Variants in FLNB observed in about 807,000 individuals in gnomAD.
FLNB encodes the protein filamin-B.
Under a neutral mutation model 250.6 loss-of-function variants are expected in FLNB, and 111 were observed. That is an observed-to-expected ratio of 0.44 (90% CI 0.38 to 0.52). FLNB has a LOEUF of 0.52. FLNB is among the 20% of genes least tolerant of loss of function. FLNB has a pLI of 0.00. For missense variants in FLNB, 2,869 were observed against 3,447.8 expected, an observed-to-expected ratio of 0.83 and a Z score of 4.20; for synonymous variants, 1,302 against 1,372.1, an observed-to-expected ratio of 0.95 and a Z score of 1.13.
At chr3:58,072,396 C>T (rs1390053481) in intron 1 of FLNB, among the ~76,000 whole-genome samples, 4 of 152,170 alleles carry the variant, frequency 2.6e-5, no homozygotes, top group South Asian at 4.2e-4. Flanking sequence ...GAAAGGCTTC[C>T]GGCTCATCTG....
At chr3:58,135,762 C>T (rs558240105) in intron 27 of FLNB, among the ~76,000 whole-genome samples, 1 of 152,268 alleles carries the variant, frequency 6.6e-6, no homozygotes, top group African/African-American at 2.4e-5. Flanking sequence ...CACCTGACAA[C>T]AAAATTACTA....
At chr3:58,125,964 A>ACTTGGTT (rs1452063533) in intron 23 of FLNB, among the ~76,000 whole-genome samples, 7 of 152,376 alleles carry the variant, frequency 4.6e-5, no homozygotes, top group African/African-American at 1.7e-4. Flanking sequence ...CCAGGAGTCA[A>ACTTGGTT]TCAAGCTCTA....
chr3:58,141,446 A>G (rs1188804840), intron 29 of FLNB, among the ~76,000 whole-genome samples: 1 of 152,114 alleles, frequency 6.6e-6, no homozygotes, highest in South Asian at 2.1e-4. Context: ...TGTCATAGGT[A>G]CCCTTACATA....
chr3:58,012,620 A>G (rs376022402), intron 1 of FLNB, among the ~76,000 whole-genome samples: 3 of 152,184 alleles, frequency 2.0e-5, no homozygotes, highest in Admixed American at 6.6e-5. Context: ...AGGGCCTTCC[A>G]TGATTGGCAG....
At chr3:58,084,254 A>C (rs2097213756) in intron 4 of FLNB, among the ~76,000 whole-genome samples, 2 of 152,222 alleles carry the variant, frequency 1.3e-5, no homozygotes, top group African/African-American at 4.8e-5. Context: ...GGAATGAGGA[A>C]TCTCTGACTT....
At chr3:58,129,373 G>A (rs1351795539) in intron 24 of FLNB, among the ~76,000 whole-genome samples, 2 of 152,166 alleles carry the variant, frequency 1.3e-5, no homozygotes, top group African/African-American at 4.8e-5. Flanking sequence ...TATCTTACCC[G>A]GGTTTGTTGG....
intron 1 of FLNB, among the ~76,000 whole-genome samples, chr3:58,032,909 C>A (rs1443896411): frequency 6.6e-6 from 1 of 152,172 alleles, no homozygotes; most frequent in Non-Finnish European, 1.5e-5. Flanking sequence ...TCTCTACTCC[C>A]TTCCCCGCCA....
In FLNB at chr3:58,142,687, A is replaced by G; in HGVS notation, c.5219A>G (p.Asn1740Ser). ...EEAYVPVSDM[N>S]GLGFKPFDLV... The stretch of plus-strand genomic sequence containing the variant: ...GCCTATGTCCCAGTGAGTGACATGA[A>G]CGGCCTGGGATTTAAGCCTTTTGAC... The change falls in exon 31 of 46, where the codon AAC becomes AGC. Residue 1740 changes from asparagine (N) to serine (S), a missense_variant. This residue lies in a region of FLNB where 1,084 missense variants were observed against 1,315.5 expected (regional missense o/e 0.82). Coordinates refer to ENST00000295956, the MANE Select transcript of FLNB (RefSeq NM_001457.4). The surrounding 1 kb of genome is among the most constrained non-coding windows in gnomAD (Gnocchi z 4.3). 6.2e-7 allele frequency: 1 copy of G among 1,614,218 alleles called. No homozygotes were observed. Among genetic ancestry groups the G allele is most frequent in the Non-Finnish European group, 8.5e-7 (1 of 1,180,046 alleles).
At chr3:58,076,137 T>C (rs188355654) in intron 1 of FLNB, among the ~76,000 whole-genome samples, 1 of 152,312 alleles carries the variant, frequency 6.6e-6, no homozygotes, top group East Asian at 1.9e-4. Context: ...ATAGCAAATA[T>C]GAAAATGATT....
At position 58,124,361 on chromosome 3, in the gene FLNB, A is replaced by G; in HGVS notation, c.3754A>G (p.Thr1252Ala). ...GTTCCGGGAAGCTACCACCGACTTT[A>G]CAGTTGACTCTCGGCCGCTGACCCA... ...DVFREATTDF[T>A]VDSRPLTQVG... Residue 1252 changes from threonine to alanine, a missense_variant, in exon 22 of 46, where the codon ACA (threonine) becomes GCA (alanine). Physicochemically the swap from Thr to Ala is moderately conservative, Grantham distance 58. Around this residue, in one of 5 missense-constraint regions of FLNB, gnomAD observed 1,348 missense variants for 1,466.7 expected, o/e 0.92. Transcript: ENST00000295956. 6.2e-7 allele frequency: 1 copy of G among 1,614,158 alleles called. No individual in the cohort carries two copies. Among genetic ancestry groups the G allele is most frequent in the Non-Finnish European group, 8.5e-7 (1 of 1,180,018 alleles).
At chr3:58,156,972 C>T (rs951432541) in intron 41 of FLNB, among the ~76,000 whole-genome samples, 1 of 152,228 alleles carries the variant, frequency 6.6e-6, no homozygotes, top group African/African-American at 2.4e-5. Flanking sequence ...GCTGGGATTA[C>T]AGACGTGAGC....
At chr3:58,099,878 G>A (rs181570531) in intron 8 of FLNB, among the ~76,000 whole-genome samples, 9 of 152,300 alleles carry the variant, frequency 5.9e-5, no homozygotes, top group Admixed American at 3.3e-4. Context: ...CAAACCCACT[G>A]TCTAATTGCC....
rs757607253 is a variant in FLNB at position 58,111,887 on chromosome 3, A to G, written c.2575+6A>G. On this transcript the variant is annotated splice_donor_region_variant and intron_variant, in intron 17 of 45. Transcript: ENST00000295956. ...CCCAGGGCTCAGCAAAGCAGGTAAG[A>G]TGGCACGTCTAGGTTGTCCTGGGCC... 6 of 1,612,078 alleles carry G rather than the reference A, an allele frequency of 3.7e-6. No homozygotes were observed. The highest frequency in any genetic ancestry group is 1.3e-5 in the African/African-American group (1 of 75,004).
At chr3:58,119,297 A>G (rs1349970492) in intron 19 of FLNB, among the ~76,000 whole-genome samples, 1 of 152,206 alleles carries the variant, frequency 6.6e-6, no homozygotes, top group Middle Eastern at 3.2e-3. Context: ...GCTGGCACGT[A>G]GTCAGCCCCC....
chr3:58,149,087 A>C (rs2097340668), intron 36 of FLNB: 2 of 537,462 alleles, frequency 3.7e-6, no homozygotes, highest in Admixed American at 6.1e-5. Context: ...CCTCTGCACT[A>C]GGATCTGAAC....
At chr3:58,025,920 T>C (rs2097122978) in intron 1 of FLNB, among the ~76,000 whole-genome samples, 1 of 152,182 alleles carries the variant, frequency 6.6e-6, no homozygotes, top group Admixed American at 6.5e-5. Flanking sequence ...AGCGAGATTG[T>C]CTCAAACAAA....
At position 58,031,342 on chromosome 3, in the gene FLNB, G is replaced by A. The variant is rs573439518; in HGVS notation, c.292+22486G>A. Among the ~76,000 whole-genome samples, 40 of 151,746 alleles carry A rather than the reference G, an allele frequency of 2.6e-4. No individual in the cohort carries two copies. The South Asian group carries it at 6.3e-3, about 24-fold the overall frequency. ...ACTGCAAGCTCCGCCTCCCGGGTTCGCGCCATTCTCCTGCCTCAGCCTCCC... is the reference window on the plus strand; with the variant it reads ...ACTGCAAGCTCCGCCTCCCGGGTTCACGCCATTCTCCTGCCTCAGCCTCCC... On this transcript the variant is annotated intron_variant, in intron 1 of 45. Transcript: ENST00000295956.
In FLNB at chr3:58,123,627, A is replaced by G. The variant is rs537630384; in HGVS notation, c.3661A>G (p.Lys1221Glu). ...CGTGCCACACTTCCCCGCCCGGGTC[A>G]AGGTGGAGCCCGCCGTGGACACCAG... ...ELVPHFPARV[K>E]VEPAVDTSRI... is the part of the protein sequence containing the mutation. The change falls in exon 21 of 46, where the codon AAG becomes GAG. Residue 1221 changes from lysine to glutamate, a missense_variant. Physicochemically the swap from Lys to Glu is moderately conservative, Grantham distance 56 (BLOSUM62 1). Coordinates refer to ENST00000295956, the MANE Select transcript of FLNB (RefSeq NM_001457.4). 37 of 1,612,672 alleles carry G rather than the reference A, an allele frequency of 2.3e-5. No homozygotes were observed. The East Asian group carries it at 7.4e-4, about 32-fold the overall frequency.
At chr3:58,009,858 G>A (rs1452160420) in intron 1 of FLNB, among the ~76,000 whole-genome samples, 2 of 152,166 alleles carry the variant, frequency 1.3e-5, no homozygotes, top group Non-Finnish European at 1.5e-5. Flanking sequence ...GTCTGGGGAG[G>A]AAGAATAAGG....
Sources: allele counts gnomAD v4.1 joint callset (sites outside exome capture counted in the v4.1 genomes callset), GRCh38; gene constraint gnomAD v4.1.1; regional missense constraint gnomAD v4.1.1; non-coding constraint Gnocchi (gnomAD v3.1); transcripts MANE v1.5; gene names NCBI Gene and HGNC (gene_info 2026-07-23, HGNC 2026-07-21).